Variants in PALD1 observed in about 807,000 individuals in gnomAD.
The protein encoded by PALD1 is paladin.
Under a neutral mutation model 96.0 loss-of-function variants are expected in PALD1, and 57 were observed. The ratio of observed to expected loss-of-function variants is 0.59; its 90% confidence interval spans 0.48 to 0.74. The LOEUF (loss-of-function observed/expected upper bound fraction) is 0.74. Among genes scored for constraint, PALD1 ranks in the 30% least tolerant of loss-of-function variants. PALD1 has a pLI of 0.00. For synonymous variants in PALD1, 464 were observed against 473.6 expected (o/e 0.98, Z 0.26); for missense variants, 1,063 against 1,143.7 (o/e 0.93, Z 1.02).
chr10:70,539,192 G>A lies in PALD1; in HGVS notation c.1670G>A (p.Gly557Glu), dbSNP rs776845123. Residue 557 changes from glycine (G) to glutamate (E), a missense_variant, in exon 14 of 20, where the codon GGG (glycine) becomes GAG (glutamate). Transcript: ENST00000263563. This position sits in a 1 kb window ranked among gnomAD's most constrained non-coding sequence, Gnocchi z 4.5. ...GAGGAGGCCGTGTTGGAGTGTGACG[G>A]GCACACCTACAGCCTGCGGTGGCCT... ...LREEAVLECD[G>E]HTYSLRWPGP... The A allele has an allele frequency of 5.6e-6, 9 of 1,613,066 alleles. No homozygotes were observed. The South Asian group carries it at 8.8e-5, about 16-fold the overall frequency.
chr10:70,532,253 GA>G (rs927032728), intron 5 of PALD1, among the ~76,000 whole-genome samples: 87 of 152,280 alleles, frequency 5.7e-4, no homozygotes, highest in African/African-American at 2.0e-3. Flanking sequence ...TCCAGGTCAG[GA>G]ACCGAGGCCA....
intron 1 of PALD1, among the ~76,000 whole-genome samples, chr10:70,497,763 A>G (rs956815491): frequency 3.3e-5 from 5 of 151,674 alleles, no homozygotes; most frequent in African/African-American, 7.3e-5. Context: ...TTTTAGTAGA[A>G]ACAGCGTTTT....
Position 70,540,969 on chromosome 10 carries a change from G to A in PALD1, c.1909-133G>A. The A allele has an allele frequency of 2.1e-6, 2 of 954,336 alleles. No individual in the cohort carries two copies. Among genetic ancestry groups the A allele is most frequent in the Non-Finnish European group, 3.1e-6 (2 of 639,806 alleles). 59.1% of individuals were successfully genotyped at this position (954,336 alleles called of 1,614,324 possible). ...ATGCACCCCGGTGAGTTTTGTTTGT[G>A]TGTGCAAGCTTGGGAGCCTGACAAT... On this transcript the variant is annotated intron_variant, in intron 15 of 19. Coordinates refer to ENST00000263563, the MANE Select transcript of PALD1 (RefSeq NM_014431.3). The surrounding 1 kb of genome is among the most constrained non-coding windows in gnomAD (Gnocchi z 4.2).
At chr10:70,469,425 T>A in the PALD1 span, among the ~76,000 whole-genome samples, 4 of 152,152 alleles carry the variant, frequency 2.6e-5, no homozygotes, top group African/African-American at 9.7e-5. Context: ...TTATCTCAGA[T>A]TGTCTGGGGG....
At chr10:70,464,182 A>T in the PALD1 span, among the ~76,000 whole-genome samples, 2 of 146,696 alleles carry the variant, frequency 1.4e-5, no homozygotes, top group Non-Finnish European at 3.0e-5. Context: ...AAATGATGAG[A>T]TCTTATCCTG....
the PALD1 span, among the ~76,000 whole-genome samples, chr10:70,459,869 G>A: frequency 5.9e-5 from 9 of 152,078 alleles, no homozygotes; most frequent in African/African-American, 1.7e-4. Context: ...CATCTTCACA[G>A]CCAGCCCTCT....
chr10:70,497,316 G>T (rs901287320), intron 1 of PALD1, among the ~76,000 whole-genome samples: 1 of 152,228 alleles, frequency 6.6e-6, no homozygotes, highest in Non-Finnish European at 1.5e-5. Context: ...TGCTCCTGGC[G>T]GGTGCAGGTG....
At chr10:70,493,686 G>C (rs988237179) in intron 1 of PALD1, among the ~76,000 whole-genome samples, 1 of 152,182 alleles carries the variant, frequency 6.6e-6, no homozygotes, top group East Asian at 1.9e-4. Context: ...AAAGCTGTCC[G>C]TGGTTTCTCT....
intron 1 of PALD1, among the ~76,000 whole-genome samples, chr10:70,511,170 G>A (rs1225818902): frequency 6.6e-6 from 1 of 152,228 alleles, no homozygotes; most frequent in African/African-American, 2.4e-5. Flanking sequence ...AAATAACAGA[G>A]TGCATTAATC....
At chr10:70,459,583 C>T in the PALD1 span, among the ~76,000 whole-genome samples, 1 of 152,270 alleles carries the variant, frequency 6.6e-6, no homozygotes, top group Non-Finnish European at 1.5e-5. Context: ...GGTCAAGGGG[C>T]CCACATGACC....
intron 18 of PALD1, among the ~76,000 whole-genome samples, chr10:70,556,998 A>G (rs960643128): frequency 6.6e-6 from 1 of 152,246 alleles, no homozygotes; most frequent in Non-Finnish European, 1.5e-5. Context: ...GGGAAGGTTG[A>G]GTAAATCATT....
intron 1 of PALD1, among the ~76,000 whole-genome samples, chr10:70,503,614 A>G (rs528755625): frequency 1.3e-5 from 2 of 152,336 alleles, no homozygotes; most frequent in South Asian, 4.1e-4. Flanking sequence ...AGCCTGAGTG[A>G]CAGAGCGAGA....
upstream of PALD1, among the ~76,000 whole-genome samples, chr10:70,474,723 G>A (rs1047360547): frequency 6.6e-6 from 1 of 152,148 alleles, no homozygotes; most frequent in South Asian, 2.1e-4. Flanking sequence ...TTTGGGAGTC[G>A]GGGGACGTAA....
Position 70,532,692 on chromosome 10 carries a change from G to C in PALD1, c.705G>C (p.Glu235Asp). ...VYHNTEDLWG[E>D]PHAVAIHGED... is the part of the protein sequence containing the mutation. ...ATAACACCGAGGACCTGTGGGGGGAGCCCCATGCTGTGGCCATCCATGGTG... is the reference window on the plus strand; with the variant it reads ...ATAACACCGAGGACCTGTGGGGGGACCCCCATGCTGTGGCCATCCATGGTG... Residue 235 changes from glutamate to aspartate, a missense_variant, in exon 6 of 20, where the codon GAG becomes GAC. By Grantham distance (45) the Glu-to-Asp change is conservative (BLOSUM62 2). Transcript: ENST00000263563. 1 of 1,614,134 alleles carries C rather than the reference G, an allele frequency of 6.2e-7. No individual in the cohort carries two copies.
rs559843074 is a variant in PALD1 at position 70,519,412 on chromosome 10, C to T, written c.-29-6511C>T. Among the ~76,000 whole-genome samples, 11 of 152,106 alleles carry T rather than the reference C, an allele frequency of 7.2e-5. 1 individual carries two copies. The South Asian group carries it at 2.3e-3, about 32-fold the overall frequency. The stretch of plus-strand genomic sequence containing the variant: ...TTTTTCATTGATCTTGCCTTCTTGC[C>T]GTATCCTCAGATGGTGTGACCAGGC... On this transcript the variant is annotated intron_variant, in intron 1 of 19. Transcript: ENST00000263563.
intron 10 of PALD1, 49 bp from the exon 11 acceptor site, chr10:70,537,762 A>G (rs1429244915): frequency 1.5e-6 from 2 of 1,305,212 alleles, no homozygotes; most frequent in Non-Finnish European, 2.2e-6. Flanking sequence ...GGGGACAGGG[A>G]CAAGACTGCC....
intron 1 of PALD1, among the ~76,000 whole-genome samples, chr10:70,481,199 T>A (rs1030310457): frequency 1.3e-5 from 2 of 152,176 alleles, no homozygotes; most frequent in African/African-American, 4.8e-5. Flanking sequence ...GAGTTGGCTG[T>A]GAGCTCCTGG....
intron 1 of PALD1, among the ~76,000 whole-genome samples, chr10:70,519,320 T>A (rs1396912125): frequency 6.6e-6 from 1 of 152,142 alleles, no homozygotes. Context: ...GAAATTTATG[T>A]TTCATGGTTC....
Position 70,526,122 on chromosome 10 carries a change from C to T in PALD1, c.171C>T (p.Ala57=), listed in dbSNP as rs751759758. ...AGTCCATCATCCCCAACAAGGTGGC[C>T]CCTGTTGTGATCACGTGAGTGGCAG... ...KAKSIIPNKV[A]PVVITYNCKE... The change falls in exon 2 of 20, where the codon GCC becomes GCT. Residue 57 remains alanine, a synonymous_variant. Transcript: ENST00000263563. The T allele has an allele frequency of 1.9e-6, 3 of 1,614,056 alleles. No individual in the cohort carries two copies. Among genetic ancestry groups the T allele is most frequent in the Non-Finnish European group, 2.5e-6 (3 of 1,179,940 alleles).
Sources: gnomAD v4.1 joint callset for allele counts (sites outside exome capture counted in the v4.1 genomes callset) on GRCh38, gnomAD v4.1.1 for gene constraint, Gnocchi (gnomAD v3.1) non-coding constraint, MANE v1.5 for transcripts, NCBI Gene and HGNC (gene_info 2026-07-23, HGNC 2026-07-21) for gene names.